Variants in GABRR2 observed in about 807,000 individuals in gnomAD.
GABRR2 encodes gamma-aminobutyric acid receptor subunit rho-2.
GABRR2 carries 36 observed loss-of-function variants against 47.0 expected under a neutral mutation model. The ratio of observed to expected loss-of-function variants is 0.77; its 90% CI spans 0.59 to 1.01. The LOEUF is 1.01. Among genes scored for constraint, GABRR2 ranks in the 50% least tolerant of loss-of-function variants. GABRR2 has a pLI of 0.00. For synonymous variants in GABRR2, 204 were observed against 227.5 expected (o/e 0.90, Z 0.93); for missense variants, 587 against 594.6 (o/e 0.99, Z 0.13).
rs894852881 is a variant in GABRR2, at chr6:89,257,667, C to A, written c.*3G>T. ...CCCTCTTCTAGGAACAGCCTTGGAG[C>A]CCCTAGGAAAACACTGACCAATAAA... On this transcript the variant is annotated 3_prime_UTR_variant, in exon 9 of 9. Coordinates refer to ENST00000402938, the MANE Select transcript of GABRR2 (RefSeq NM_002043.5). 4 of 1,606,514 alleles carry A rather than the reference C, an allele frequency of 2.5e-6. No homozygotes were observed. Among genetic ancestry groups the A allele is most frequent in the Admixed American group, 1.7e-5 (1 of 59,362 alleles).
rs568512053 is a variant in GABRR2 at position 89,279,375 on chromosome 6, G to A, written c.221-7653C>T. 2.1e-4 allele frequency among the ~76,000 whole-genome samples: 31 copies of A among 150,734 alleles called. No homozygotes were observed. The South Asian group carries it at 3.8e-3, about 18-fold the overall frequency. On this transcript the variant is annotated intron_variant, in intron 2 of 8. Transcript: ENST00000402938. ...CTGCATATAAAAAAAGTGTGCATGCGTGTGTGTGTGTGTGCATGCATGCGG... is the reference window on the plus strand; with the variant it reads ...CTGCATATAAAAAAAGTGTGCATGCATGTGTGTGTGTGTGCATGCATGCGG...
Position 89,292,771 on chromosome 6 carries a change from G to GA in GABRR2, c.220+6987_220+6988insT, listed in dbSNP as rs1582457487. Among the ~76,000 whole-genome samples, 20 of 40,314 alleles carry GA rather than the reference G, an allele frequency of 5.0e-4. 4 individuals are homozygous for GA. Among genetic ancestry groups the GA allele is most frequent in the Admixed American group, 1.4e-3 (5 of 3,552 alleles). The allele number at this position is 40,314 out of a possible 152,430, so 26.4% of individuals were successfully genotyped here. A position where few individuals can be genotyped will look rare whatever the true frequency, so the allele number is the denominator to read the frequency against. On this transcript the variant is annotated intron_variant, in intron 2 of 8. Transcript: ENST00000402938. ...GTATATATCGTATATACGATATATCGTATATATCGTATATACGATATATCG... is the reference window on the plus strand; with the variant it reads ...GTATATATCGTATATACGATATATCGATATATATCGTATATACGATATATCG...
chr6:89,262,252 T>C (rs985036393), intron 8 of GABRR2, among the ~76,000 whole-genome samples: 10 of 152,296 alleles, frequency 6.6e-5, no homozygotes, highest in Middle Eastern at 3.4e-3. Flanking sequence ...TAGGGTCCAA[T>C]TGTAATACAT....
chr6:89,308,426 C>T lies in GABRR2; in HGVS notation c.113+6627G>A, dbSNP rs116896373. ...CCCCATGCAGCTCGTTGCTACTGTA[C>T]TGAACAGTGCAGCTATATAATCTTT... is the stretch of plus-strand genomic sequence containing the variant. On this transcript the variant is annotated intron_variant, in intron 1 of 8. Coordinates refer to ENST00000402938, the MANE Select transcript of GABRR2 (RefSeq NM_002043.5). Among the ~76,000 whole-genome samples, 145 of 152,270 alleles carry T rather than the reference C, an allele frequency of 9.5e-4. 1 individual carries two copies. In the East Asian group the frequency reaches 0.026, roughly 27 times the overall value.
chr6:89,257,976 C>G lies in GABRR2; in HGVS notation c.1092G>C (p.Pro364=). ...RKERKLREKF[P]CMCGMLHSKT... ...TTGAATGAAGCATTCCACACATGCA[C>G]GGGAACTATGGGCAGCAAGCACAAA... is the stretch of plus-strand genomic sequence containing the variant. The change falls in exon 9 of 9, where the codon CCG becomes CCC. Residue 364 remains proline (P), a synonymous_variant. Transcript: ENST00000402938. 6.2e-7 allele frequency: 1 copy of G among 1,612,450 alleles called. No individual in the cohort carries two copies. Among genetic ancestry groups the G allele is most frequent in the South Asian group, 1.1e-5 (1 of 90,810 alleles).
chr6:89,297,503 C>CAT (rs1774576370), intron 2 of GABRR2, among the ~76,000 whole-genome samples: 2 of 152,010 alleles, frequency 1.3e-5, no homozygotes, highest in African/African-American at 2.4e-5. Flanking sequence ...AATAAGATTA[C>CAT]ATATATATAT....
chr6:89,294,644 CT>C (rs879601737), intron 2 of GABRR2, among the ~76,000 whole-genome samples: 323 of 144,230 alleles, frequency 2.2e-3, no homozygotes, highest in Middle Eastern at 7.2e-3. Flanking sequence ...CCAGGCTCTA[CT>C]TTTTTTTTTT....
At chr6:89,288,346 A>G (rs922784602) in intron 2 of GABRR2, among the ~76,000 whole-genome samples, 2 of 152,090 alleles carry the variant, frequency 1.3e-5, no homozygotes, top group Non-Finnish European at 2.9e-5. Context: ...GAAAGGAGGA[A>G]ACCAGTGAGA....
At chr6:89,310,446 T>C (rs1013999179) in intron 1 of GABRR2, among the ~76,000 whole-genome samples, 1 of 152,114 alleles carries the variant, frequency 6.6e-6, no homozygotes, top group African/African-American at 2.4e-5. Flanking sequence ...CCCCCTATTC[T>C]TCACCCCATC....
rs1773942222 is a variant in GABRR2, at chr6:89,267,928, G to A, written c.595+86C>T. 16 of 1,564,022 alleles carry A rather than the reference G, an allele frequency of 1.0e-5. 1 individual carries two copies. Among genetic ancestry groups the A allele is most frequent in the South Asian group, 7.8e-5 (7 of 89,982 alleles). On this transcript the variant is annotated intron_variant, in intron 5 of 8. Transcript: ENST00000402938. ...GAAGTAAATAGGTCTTAACGCTGGCGGGCAGTGCTCAGTCTCATGATTACT... is the reference window on the plus strand; with the variant it reads ...GAAGTAAATAGGTCTTAACGCTGGCAGGCAGTGCTCAGTCTCATGATTACT...
intron 8 of GABRR2, among the ~76,000 whole-genome samples, chr6:89,258,554 A>C (rs1486665187): frequency 8.1e-6 from 1 of 122,710 alleles, no homozygotes; most frequent in Non-Finnish European, 1.8e-5. Context: ...AAAAAAAAAA[A>C]AAAAATGTTT....
intron 1 of GABRR2, chr6:89,301,831 G>T: frequency 9.6e-7 from 1 of 1,040,634 alleles, no homozygotes. Context: ...CAACTAGATC[G>T]GGGCCAAGTT....
chr6:89,261,459 T>A (rs763489321), intron 8 of GABRR2, among the ~76,000 whole-genome samples: 17 of 152,100 alleles, frequency 1.1e-4, no homozygotes, highest in Non-Finnish European at 2.1e-4. Flanking sequence ...AAAACTGAGT[T>A]CCCAGTCATG....
intron 1 of GABRR2, among the ~76,000 whole-genome samples, chr6:89,308,215 C>T (rs928616354): frequency 1.3e-5 from 2 of 152,196 alleles, no homozygotes; most frequent in Non-Finnish European, 2.9e-5. Context: ...GAGGCATCCT[C>T]TTATGAAATC....
At chr6:89,314,970 G>T in intron 1 of GABRR2, 83 bp downstream of exon 1, 1 of 1,223,606 alleles carries the variant, frequency 8.2e-7, no homozygotes, top group Non-Finnish European at 1.2e-6. Context: ...TAGGACCTTA[G>T]CCCCCTGGGG....
chr6:89,268,077 A>T lies in GABRR2; in HGVS notation c.532T>A (p.Cys178Ser). ...GGAAAGTGGCTGAAGTCCATGTTGC[A>T]CATGGCAGTGACCGTAATCCTAGAC... Reference protein sequence around the residue: ...YSMRITVTAMCNMDFSHFPLD... With the variant: ...YSMRITVTAMSNMDFSHFPLD... Residue 178 changes from cysteine (C) to serine (S), a missense_variant, in exon 5 of 9, where the codon TGC (cysteine) becomes AGC (serine). By Grantham distance (112) the Cys-to-Ser change is moderately radical. Coordinates refer to ENST00000402938, the MANE Select transcript of GABRR2 (RefSeq NM_002043.5). The T allele has an allele frequency of 6.2e-7, 1 of 1,610,756 alleles. No homozygotes were observed. The highest frequency in any genetic ancestry group is 8.5e-7 in the Non-Finnish European group (1 of 1,178,288).
chr6:89,300,441 C>T (rs1334661923), intron 1 of GABRR2, among the ~76,000 whole-genome samples: 3 of 151,842 alleles, frequency 2.0e-5, no homozygotes, highest in Admixed American at 6.6e-5. Flanking sequence ...ACCAAGGAGA[C>T]GCAGGTTGCA....
Position 89,264,403 on chromosome 6 carries a change from C to T in GABRR2, c.1086+9G>A, listed in dbSNP as rs780755133. On this transcript the variant is annotated intron_variant, in intron 8 of 8. Transcript: ENST00000402938. Reference sequence around the variant, plus strand: ...TGGACTTAGACAAGGGCCGAAGAAGCCCTCTCACCTTCTCCCGCAGCTTCC... The same window carrying T: ...TGGACTTAGACAAGGGCCGAAGAAGTCCTCTCACCTTCTCCCGCAGCTTCC... 1.8e-5 allele frequency: 29 copies of T among 1,610,880 alleles called. No individual in the cohort carries two copies. Among genetic ancestry groups the T allele is most frequent in the Non-Finnish European group, 8.5e-7 (1 of 1,178,498 alleles).
At chr6:89,295,364 T>C (rs913696298) in intron 2 of GABRR2, among the ~76,000 whole-genome samples, 2 of 152,238 alleles carry the variant, frequency 1.3e-5, no homozygotes, top group African/African-American at 4.8e-5. Flanking sequence ...CTCATTGTGG[T>C]TTTGATTTGC....
Sources: gnomAD v4.1 joint callset for allele counts (sites outside exome capture counted in the v4.1 genomes callset) on GRCh38, gnomAD v4.1.1 for gene constraint, MANE v1.5 for transcripts, NCBI Gene and HGNC (gene_info 2026-07-23, HGNC 2026-07-21) for gene names.